MMP26: variants seen among roughly 807,000 people sequenced by gnomAD.
MMP26 encodes the protein matrix metallopeptidase 26, also known as matrix metalloproteinase-26.
In MMP26, 33 loss-of-function variants were observed where a neutral mutation model predicts 31.0. That is an observed-to-expected ratio of 1.06 (90% confidence interval 0.81 to 1.42). The LOEUF is 1.42. MMP26 is among the 40% of genes most tolerant of loss of function. The probability of loss-of-function intolerance (pLI) is 0.00; values close to 1 mark genes in which losing one functional copy is unlikely to be tolerated. For synonymous variants in MMP26, 122 were observed against 114.9 expected, an observed-to-expected ratio of 1.06 and a Z score of -0.40; for missense variants, 347 against 316.1, an observed-to-expected ratio of 1.10 and a Z score of -0.74.
intron 6 of MMP26, 100 bp from the exon 7 acceptor site, chr11:4,991,864 T>C: frequency 8.7e-7 from 1 of 1,155,034 alleles, no homozygotes; most frequent in Non-Finnish European, 1.2e-6. Flanking sequence ...TGCCCTTTCC[T>C]CGTTTTCTGT....
At chr11:4,709,984 C>T (rs1395963841) in intron 1 of MMP26, 3 of 456,706 alleles carry the variant, frequency 6.6e-6, no homozygotes, top group Non-Finnish European at 1.3e-5. Flanking sequence ...ACAATCTTAA[C>T]CAATTCACGG....
At chr11:4,809,139 C>A (rs1849316822) in intron 2 of MMP26, among the ~76,000 whole-genome samples, 1 of 152,078 alleles carries the variant, frequency 6.6e-6, no homozygotes, top group Non-Finnish European at 1.5e-5. Context: ...TTCTCTTCTT[C>A]CCTAGTACTT....
chr11:4,846,683 T>C (rs1849872819), intron 2 of MMP26, among the ~76,000 whole-genome samples: 1 of 152,152 alleles, frequency 6.6e-6, no homozygotes, highest in African/African-American at 2.4e-5. Flanking sequence ...TATATAAACC[T>C]ACTGTGTACC....
intron 2 of MMP26, among the ~76,000 whole-genome samples, chr11:4,828,518 T>C (rs1012410330): frequency 1.3e-5 from 2 of 152,116 alleles, no homozygotes; most frequent in Admixed American, 6.6e-5. Context: ...ACATAAGAAT[T>C]GATGGGGAAA....
intron 2 of MMP26, chr11:4,913,848 CT>C (rs1851030186): frequency 6.6e-6 from 1 of 152,148 alleles, no homozygotes; most frequent in Admixed American, 6.5e-5. Context: ...CAGTTTTTGA[CT>C]GCCTAATGCC....
At chr11:4,744,320 A>G (rs12222081) in intron 1 of MMP26, among the ~76,000 whole-genome samples, 18,009 of 152,298 alleles carry the variant, frequency 0.12, 1,126 homozygotes, top group Middle Eastern at 0.13. Context: ...ATAAAATACT[A>G]GGACATTTCC....
intron 2 of MMP26, chr11:4,882,104 G>A: frequency 2.5e-6 from 4 of 1,613,894 alleles, no homozygotes; most frequent in Non-Finnish European, 3.4e-6. Flanking sequence ...CTCCATGCTG[G>A]CAGCTGTTGA....
At chr11:4,906,199 G>C (rs375421424) in intron 2 of MMP26, among the ~76,000 whole-genome samples, 1 of 152,108 alleles carries the variant, frequency 6.6e-6, no homozygotes, top group Non-Finnish European at 1.5e-5. Context: ...ATAAGAATAC[G>C]TAACTCCAAA....
intron 1 of MMP26, among the ~76,000 whole-genome samples, chr11:4,734,887 T>C (rs1040156272): frequency 6.9e-6 from 1 of 144,324 alleles, no homozygotes; most frequent in Non-Finnish European, 1.5e-5. Flanking sequence ...ACCTTAGGAT[T>C]GAGCTGGGGA....
intron 2 of MMP26, chr11:4,849,036 G>T: frequency 6.2e-7 from 1 of 1,614,090 alleles, no homozygotes; most frequent in African/African-American, 1.3e-5. Context: ...GGGCTGCAGG[G>T]CAATGATCCA....
chr11:4,893,430 A>G (rs141732532), intron 2 of MMP26, among the ~76,000 whole-genome samples: 40 of 152,202 alleles, frequency 2.6e-4, no homozygotes, highest in Admixed American at 7.9e-4. Flanking sequence ...ACATTCCAAC[A>G]TGTTTCCATC....
chr11:4,744,786 T>TTA (rs890054275), intron 1 of MMP26, among the ~76,000 whole-genome samples: 1 of 152,202 alleles, frequency 6.6e-6, no homozygotes, highest in Non-Finnish European at 1.5e-5. Flanking sequence ...TTGCTAAAAA[T>TTA]TATATATATG....
chr11:4,905,176 C>A (rs1850864779), intron 2 of MMP26, among the ~76,000 whole-genome samples: 1 of 152,082 alleles, frequency 6.6e-6, no homozygotes, highest in East Asian at 1.9e-4. Context: ...CACAGTCCAG[C>A]AAATAACAGG....
chr11:4,730,685 T>A (rs1848162464), intron 1 of MMP26, among the ~76,000 whole-genome samples: 2 of 152,172 alleles, frequency 1.3e-5, no homozygotes, highest in South Asian at 4.1e-4. Flanking sequence ...CCTGGAGCAG[T>A]AAGACATCCC....
intron 2 of MMP26, among the ~76,000 whole-genome samples, chr11:4,811,226 C>G (rs1475526189): frequency 6.6e-6 from 1 of 152,110 alleles, no homozygotes; most frequent in Non-Finnish European, 1.5e-5. Flanking sequence ...ATTTTAGATT[C>G]AGGGAGTACC....
intron 1 of MMP26, chr11:4,756,901 A>G (rs1161139789): frequency 6.6e-6 from 1 of 152,190 alleles, no homozygotes; most frequent in African/African-American, 2.4e-5. Flanking sequence ...GAGACATCAC[A>G]TGTAAATGGA....
At chr11:4,900,001 G>A (rs1850776704) in intron 2 of MMP26, among the ~76,000 whole-genome samples, 1 of 152,104 alleles carries the variant, frequency 6.6e-6, no homozygotes, top group Non-Finnish European at 1.5e-5. Flanking sequence ...TGCAGTCAAA[G>A]CTATGTATAA....
At chr11:4,808,796 C>A (rs1163100933) in intron 2 of MMP26, among the ~76,000 whole-genome samples, 1 of 149,738 alleles carries the variant, frequency 6.7e-6, no homozygotes, top group Admixed American at 6.7e-5. Context: ...AGGAGCAGGG[C>A]TGCCCTGGTA....
At chr11:4,925,493 A>C (rs758751343) in intron 2 of MMP26, among the ~76,000 whole-genome samples, 1 of 152,094 alleles carries the variant, frequency 6.6e-6, no homozygotes, top group Non-Finnish European at 1.5e-5. Context: ...ATTTAAAGAG[A>C]AATTTCTGGG....
Sources: allele counts gnomAD v4.1 joint callset (sites outside exome capture counted in the v4.1 genomes callset), GRCh38; gene constraint gnomAD v4.1.1; transcripts MANE v1.5; gene names NCBI Gene and HGNC (gene_info 2026-07-23, HGNC 2026-07-21).